The following FBXO34 variants were observed in gnomAD, a reference collection of about 807,000 sequenced individuals.
FBXO34 encodes F-box protein 34.
FBXO34 carries 12 observed loss-of-function variants against 24.5 expected under a neutral mutation model. The observed-to-expected ratio is 0.49, with a 90% CI of 0.31 to 0.79. The LOEUF (loss-of-function observed/expected upper bound fraction) is 0.79. FBXO34 is among the 30% of genes least tolerant of loss of function. FBXO34 has a pLI of 0.04. For synonymous variants in FBXO34, 320 were observed against 311.9 expected, an observed-to-expected ratio of 1.03 and a Z score of -0.27; for missense variants, 823 against 857.7, an observed-to-expected ratio of 0.96 and a Z score of 0.51.
the FBXO34 span, among the ~76,000 whole-genome samples, chr14:55,432,741 G>A: frequency 6.6e-6 from 1 of 152,156 alleles, no homozygotes; most frequent in Non-Finnish European, 1.5e-5. Context: ...CGAGAAATTG[G>A]CACAACTTTT....
At chr14:55,411,300 G>A in the FBXO34 span, among the ~76,000 whole-genome samples, 2 of 152,250 alleles carry the variant, frequency 1.3e-5, no homozygotes, top group Non-Finnish European at 1.5e-5. Context: ...CTTAATGGCA[G>A]CAACGGGAAA....
chr14:55,414,366 C>A, the FBXO34 span: 1 of 1,579,990 alleles, frequency 6.3e-7, no homozygotes, highest in Non-Finnish European at 8.6e-7. Context: ...ATGTGAGATG[C>A]TGAATGATAT....
the FBXO34 span, chr14:55,414,556 G>T: frequency 1.2e-6 from 1 of 856,874 alleles, no homozygotes; most frequent in Non-Finnish European, 1.7e-6. Context: ...CTTTTAATAT[G>T]ACATCTCTTT....
chr14:55,356,579 C>CTACAG (rs1404486377), downstream of FBXO34, among the ~76,000 whole-genome samples: 1 of 151,986 alleles, frequency 6.6e-6, no homozygotes, highest in Non-Finnish European at 1.5e-5. Flanking sequence ...TCCCGAGTAG[C>CTACAG]TGGGACTACA....
downstream of FBXO34, among the ~76,000 whole-genome samples, chr14:55,374,482 A>C (rs775449584): frequency 6.6e-6 from 1 of 152,168 alleles, no homozygotes; most frequent in Non-Finnish European, 1.5e-5. Context: ...CCTATCTATG[A>C]CATGTCTTTT....
At chr14:55,319,457 C>T (rs1015899208) in intron 1 of FBXO34, among the ~76,000 whole-genome samples, 7 of 152,194 alleles carry the variant, frequency 4.6e-5, no homozygotes, top group Non-Finnish European at 1.0e-4. Flanking sequence ...TCCATTCTGT[C>T]CTTCTTCCCT....
At chr14:55,426,615 C>G in the FBXO34 span, among the ~76,000 whole-genome samples, 1 of 151,974 alleles carries the variant, frequency 6.6e-6, no homozygotes, top group African/African-American at 2.4e-5. Context: ...TAATCCATAA[C>G]CTGAGGCTGA....
intron 1 of FBXO34, among the ~76,000 whole-genome samples, chr14:55,340,782 A>C (rs1883965746): frequency 6.6e-6 from 1 of 152,074 alleles, no homozygotes; most frequent in African/African-American, 2.4e-5. Context: ...TTTCATATCA[A>C]ATGTTATTTG....
At chr14:55,312,962 A>T (rs4325471) in intron 1 of FBXO34, among the ~76,000 whole-genome samples, 4 of 152,222 alleles carry the variant, frequency 2.6e-5, no homozygotes, top group Non-Finnish European at 4.4e-5. Context: ...AGCTGGCTTG[A>T]ATTTCTCCTC....
At chr14:55,288,830 C>A (rs1881848147) in intron 1 of FBXO34, among the ~76,000 whole-genome samples, 1 of 152,120 alleles carries the variant, frequency 6.6e-6, no homozygotes, top group Non-Finnish European at 1.5e-5. Context: ...GTGGGCGGAT[C>A]ACTTGAGGTC....
chr14:55,337,312 T>C (rs953897544), intron 1 of FBXO34, among the ~76,000 whole-genome samples: 8 of 152,186 alleles, frequency 5.3e-5, no homozygotes, highest in Non-Finnish European at 1.0e-4. Flanking sequence ...TTTCTTCTAT[T>C]CTCTAGCATT....
chr14:55,294,931 T>C (rs540115181), intron 1 of FBXO34, among the ~76,000 whole-genome samples: 330 of 152,346 alleles, frequency 2.2e-3, no homozygotes, highest in Admixed American at 3.6e-3. Context: ...CCAAATATCA[T>C]AGCTTAGCCT....
the FBXO34 span, among the ~76,000 whole-genome samples, chr14:55,388,836 A>C: frequency 6.6e-6 from 1 of 152,204 alleles, no homozygotes; most frequent in Non-Finnish European, 1.5e-5. Context: ...AGTCATCAGA[A>C]CCACCTGGAG....
chr14:55,393,217 TA>T, the FBXO34 span, among the ~76,000 whole-genome samples: 36,431 of 151,496 alleles, frequency 0.24, 4,534 homozygotes, highest in South Asian at 0.29. Flanking sequence ...CCGTCTCTAC[TA>T]AAAAAACACA....
chr14:55,353,954 C>T (rs556605135), downstream of FBXO34, among the ~76,000 whole-genome samples: 4 of 152,114 alleles, frequency 2.6e-5, no homozygotes, highest in Non-Finnish European at 5.9e-5. Context: ...AGGTGTTGGA[C>T]CCCAGAAAGC....
intron 1 of FBXO34, among the ~76,000 whole-genome samples, chr14:55,278,138 T>C (rs2139633014): frequency 6.6e-6 from 1 of 152,280 alleles, no homozygotes; most frequent in South Asian, 2.1e-4. Flanking sequence ...CAGGTATGTC[T>C]GCTTGCCCAT....
chr14:55,376,779 A>G, the FBXO34 span, among the ~76,000 whole-genome samples: 1 of 152,170 alleles, frequency 6.6e-6, no homozygotes, highest in African/African-American at 2.4e-5. Context: ...ATATATAACC[A>G]TATCACATCT....
At chr14:55,363,418 C>T (rs531171150), downstream of FBXO34, among the ~76,000 whole-genome samples, 9 of 152,148 alleles carry the variant, frequency 5.9e-5, no homozygotes, top group Admixed American at 4.6e-4. Context: ...ACCTCAGCCT[C>T]GCAGGTTTAC....
At chr14:55,382,293 G>T in the FBXO34 span, 1 of 954,836 alleles carries the variant, frequency 1.0e-6, no homozygotes, top group Non-Finnish European at 1.6e-6. Context: ...CTGCCTATGA[G>T]CACAGAAATT....
Sources: gnomAD v4.1 joint callset for allele counts (sites outside exome capture counted in the v4.1 genomes callset) on GRCh38, gnomAD v4.1.1 for gene constraint, MANE v1.5 for transcripts, NCBI Gene and HGNC (gene_info 2026-07-23, HGNC 2026-07-21) for gene names.